Variants in CXADR observed in about 807,000 individuals in gnomAD.
CXADR encodes the protein CXADR cell adhesion molecule.
In CXADR, 20 loss-of-function variants were observed where a neutral mutation model predicts 40.3. That is an observed-to-expected ratio of 0.50 (90% confidence interval 0.35 to 0.72). The LOEUF (loss-of-function observed/expected upper bound fraction) is 0.72, where lower values mean the gene tolerates loss of function less well. Among genes scored for constraint, CXADR ranks in the 30% least tolerant of loss-of-function variants. The pLI is 0.01. For synonymous variants in CXADR, 150 were observed against 161.3 expected (o/e 0.93, Z 0.53); for missense variants, 332 against 449.1 (o/e 0.74, Z 2.36).
rs767171355 is a variant in CXADR at position 17,565,672 on chromosome 21, A to T, written c.1078A>T (p.Lys360Ter). Residue 360 changes from lysine to a stop codon, truncating the protein, a stop_gained, in exon 7 of 7, where the codon AAG becomes TAG. Coordinates refer to ENST00000284878, the MANE Select transcript of CXADR (RefSeq NM_001338.5). LOFTEE classifies it high-confidence loss of function. ...TCCTGTGATGATTCCAGCACAGAGC[A>T]AGGATGGGTCTATAGTATAGAGCCT... ...AIPVMIPAQS[K>*]DGSIV is the part of the protein sequence containing the mutation. The T allele has an allele frequency of 2.2e-5, 36 of 1,611,976 alleles. No homozygotes were observed. Among genetic ancestry groups the T allele is most frequent in the Middle Eastern group, 2.2e-4 (1 of 4,446 alleles).
chr21:17,575,942 G>A lies in CXADR; in HGVS notation c.1017+10331G>A, dbSNP rs2061319246. ...GTCTCTACTAAAAATACAAAAATTA[G>A]CCAGGCATGGTGGTGGGTGTTTGTA... is the stretch of plus-strand genomic sequence containing the variant. On this transcript the variant is annotated intron_variant, in intron 7 of 7. Transcript: ENST00000400169. Among the ~76,000 whole-genome samples, 6 of 151,630 alleles carry A rather than the reference G, an allele frequency of 4.0e-5. No homozygotes were observed. The South Asian group carries it at 1.3e-3, about 32-fold the overall frequency.
the CXADR span, among the ~76,000 whole-genome samples, chr21:17,602,207 G>C: frequency 3.0e-3 from 462 of 151,862 alleles, 14 homozygotes; most frequent in East Asian, 2.7e-3. Context: ...GCTGGCATCT[G>C]TTCTCAGAAC....
At chr21:17,546,306 TG>T (rs796305973) in intron 1 of CXADR, among the ~76,000 whole-genome samples, 1 of 152,218 alleles carries the variant, frequency 6.6e-6, no homozygotes, top group Non-Finnish European at 1.5e-5. Flanking sequence ...CATGAATTAA[TG>T]TAGCCTTGAA....
chr21:17,545,141 C>T (rs865887396), intron 1 of CXADR, among the ~76,000 whole-genome samples: 4 of 143,598 alleles, frequency 2.8e-5, no homozygotes, highest in African/African-American at 5.3e-5. Flanking sequence ...AGGCAGGCCC[C>T]GTGAACCATA....
In CXADR at chr21:17,513,115, G is replaced by T. The variant is rs1035433282; in HGVS notation, c.-15G>T. ...CCGCCTACCTGCAGCCGCCGCCCAC[G>T]GCACGGCAGCCACCATGGCGCTCCT... On this transcript the variant is annotated 5_prime_UTR_variant, in exon 1 of 7. Coordinates refer to ENST00000284878, the MANE Select transcript of CXADR (RefSeq NM_001338.5). The T allele has an allele frequency of 2.5e-5, 34 of 1,350,494 alleles. No individual in the cohort carries two copies. Among genetic ancestry groups the T allele is most frequent in the Non-Finnish European group, 3.1e-5 (33 of 1,048,220 alleles). The allele number at this position is 1,350,494 out of a possible 1,614,324, so 83.7% of individuals were successfully genotyped here.
chr21:17,609,427 C>T, the CXADR span, among the ~76,000 whole-genome samples: 11 of 152,136 alleles, frequency 7.2e-5, no homozygotes, highest in African/African-American at 2.4e-4. Flanking sequence ...TAAAACCACA[C>T]CTATCAGTAA....
the CXADR span, among the ~76,000 whole-genome samples, chr21:17,618,935 A>T: frequency 6.6e-6 from 1 of 152,166 alleles, no homozygotes; most frequent in African/African-American, 2.4e-5. Flanking sequence ...AAACAACACT[A>T]ATCTCCTTGT....
chr21:17,574,368 G>C (rs1735202833), downstream of CXADR, among the ~76,000 whole-genome samples: 2 of 111,252 alleles, frequency 1.8e-5, no homozygotes, highest in South Asian at 3.5e-4. Flanking sequence ...GTGTGTTTGT[G>C]AGTTTATCCT....
downstream of CXADR, chr21:17,594,384 A>C (rs567409990): frequency 6.4e-7 from 1 of 1,551,214 alleles, no homozygotes; most frequent in Non-Finnish European, 8.7e-7. Flanking sequence ...ATCATCATCT[A>C]TGTTCCAGAT....
intron 1 of CXADR, 125 bp from the exon 2 acceptor site, chr21:17,546,902 C>T (rs2060903678): frequency 3.6e-6 from 4 of 1,114,670 alleles, no homozygotes; most frequent in Middle Eastern, 3.1e-4. Context: ...GGACTCCATT[C>T]CTCGGGACCC....
Position 17,569,657 on chromosome 21 carries a change from G to C in CXADR, c.*3965G>C, listed in dbSNP as rs442217. The stretch of plus-strand genomic sequence containing the variant: ...AAGGCTGATCATTTATCTTATAGCA[G>C]ATAACCCCAGCCTCTTATTCATTAT... On this transcript the variant is annotated 3_prime_UTR_variant, in exon 7 of 7. Coordinates refer to ENST00000284878, the MANE Select transcript of CXADR (RefSeq NM_001338.5). The C allele has an allele frequency of 0.34, 326,003 of 970,550 alleles. 55,921 individuals are homozygous for C. The highest frequency in any genetic ancestry group is 0.48 in the African/African-American group (27,405 of 56,750). 60.1% of individuals were successfully genotyped at this position (970,550 alleles called of 1,614,324 possible).
chr21:17,551,297 G>A (rs1389619001), intron 2 of CXADR, among the ~76,000 whole-genome samples: 5 of 152,074 alleles, frequency 3.3e-5, no homozygotes, highest in East Asian at 1.9e-4. Flanking sequence ...CTACTGGGGA[G>A]GCAGAGGCGA....
chr21:17,597,033 A>G (rs1402495831), downstream of CXADR, among the ~76,000 whole-genome samples: 1 of 152,098 alleles, frequency 6.6e-6, no homozygotes, highest in African/African-American at 2.4e-5. Context: ...GGCCATTTGC[A>G]CTAGCTTTCA....
intron 1 of CXADR, among the ~76,000 whole-genome samples, chr21:17,536,912 A>G (rs2060766125): frequency 6.6e-6 from 1 of 151,980 alleles, no homozygotes. Flanking sequence ...GCCCACCACC[A>G]TGCCCAGCTA....
At chr21:17,598,683 T>C in the CXADR span, 2 of 1,614,188 alleles carry the variant, frequency 1.2e-6, no homozygotes, top group Non-Finnish European at 1.7e-6. Context: ...TACTTGTTTC[T>C]TCATCTGAAG....
the CXADR span, among the ~76,000 whole-genome samples, chr21:17,630,772 C>T: frequency 6.7e-6 from 1 of 149,572 alleles, no homozygotes; most frequent in African/African-American, 2.5e-5. Context: ...TATTTTTCTG[C>T]AATATAATCT....
chr21:17,593,105 G>A, intron 7 of CXADR: 1 of 1,303,364 alleles, frequency 7.7e-7, no homozygotes. Context: ...TACCTTTGGA[G>A]AAAAATCAAA....
intron 1 of CXADR, among the ~76,000 whole-genome samples, chr21:17,537,765 T>A (rs972131278): frequency 4.0e-5 from 6 of 151,090 alleles, no homozygotes; most frequent in African/African-American, 1.5e-4. Context: ...TTTGCTCTGC[T>A]AAAAAAAAAC....
At position 17,579,387 on chromosome 21, in the gene CXADR, C is replaced by T. The variant is rs376895489; in HGVS notation, c.1018-13765C>T. On this transcript the variant is annotated intron_variant, in intron 7 of 7. Coordinates refer to the CXADR transcript ENST00000400169. Reference sequence around the variant, plus strand: ...GCAACCTCCGTCTCCCAGGTTCAAGCGATTCTCCTGCCTCAGCCTCCCGAG... The same window carrying T: ...GCAACCTCCGTCTCCCAGGTTCAAGTGATTCTCCTGCCTCAGCCTCCCGAG... Among the ~76,000 whole-genome samples the T allele has an allele frequency of 1.5e-3, 226 of 151,834 alleles. 4 individuals carry two copies. The highest frequency in any genetic ancestry group is 5.0e-3 in the African/African-American group (208 of 41,414).
Sources: gnomAD v4.1 joint callset for allele counts (sites outside exome capture counted in the v4.1 genomes callset) on GRCh38, gnomAD v4.1.1 for gene constraint, MANE v1.5 for transcripts, NCBI Gene and HGNC (gene_info 2026-07-23, HGNC 2026-07-21) for gene names.